PLD2: variants seen among roughly 807,000 people sequenced by gnomAD.
PLD2 encodes the protein choline phosphatase 2.
In PLD2, 101 loss-of-function variants were observed where a neutral mutation model predicts 119.8. That is an observed-to-expected ratio of 0.84 (90% confidence interval 0.72 to 0.99). PLD2 has a LOEUF of 0.99. PLD2 is among the 50% of genes least tolerant of loss of function. PLD2 has a pLI of 0.00. For synonymous variants in PLD2, 494 were observed against 482.8 expected (o/e 1.02, Z -0.30); for missense variants, 1,164 against 1,226.8 (o/e 0.95, Z 0.76).
At chr17:4,816,856 TGGCA>T in intron 15 of PLD2, 77 bp from the exon 16 acceptor site, 2 of 1,577,152 alleles carry the variant, frequency 1.3e-6, no homozygotes, top group Non-Finnish European at 1.7e-6. Flanking sequence ...GCCCTCCCTC[TGGCA>T]GGCTCTTTCT....
chr17:4,817,810 T>C (rs1017939235), intron 17 of PLD2, 192 bp from the exon 18 acceptor site: 7 of 473,906 alleles, frequency 1.5e-5, no homozygotes, highest in Non-Finnish European at 2.7e-5. Context: ...TACAAAAAAT[T>C]AGCCGGGAGT....
intron 18 of PLD2, 26 bp downstream of exon 18, chr17:4,818,132 A>G (rs1292323971): frequency 6.4e-7 from 1 of 1,551,606 alleles, no homozygotes; most frequent in Non-Finnish European, 8.9e-7. Flanking sequence ...GGTGGGGGAG[A>G]GCATGGAAGG....
chr17:4,813,331 G>A (rs1451202103), intron 10 of PLD2, among the ~76,000 whole-genome samples: 1 of 152,108 alleles, frequency 6.6e-6, no homozygotes, highest in African/African-American at 2.4e-5. Flanking sequence ...TTTCACATGT[G>A]CATGCACGTG....
At chr17:4,817,296 C>A in intron 17 of PLD2, 37 bp downstream of exon 17, 1 of 1,311,024 alleles carries the variant, frequency 7.6e-7, no homozygotes, top group Non-Finnish European at 1.1e-6. Context: ...TCCCCTTTGT[C>A]TCCTTCAGCC....
In PLD2 at chr17:4,822,800, A is replaced by T. The variant is rs1567538824; in HGVS notation, c.2738A>T (p.Asp913Val). The T allele has an allele frequency of 6.2e-7, 1 of 1,613,734 alleles. No homozygotes were observed. Among genetic ancestry groups the T allele is most frequent in the South Asian group, 1.1e-5 (1 of 91,074 alleles). The change falls in exon 25 of 25, where the codon GAT becomes GTT. Residue 913 changes from aspartate to valine, a missense_variant. Coordinates refer to ENST00000263088, the MANE Select transcript of PLD2 (RefSeq NM_002663.5). ...CACTTCCCCCTCAAGTTCCTAGAGG[A>T]TGAGTCTTTGCTGCCCCCGCTGGGT... is the stretch of plus-strand genomic sequence containing the variant. Reference protein sequence around the residue: ...LVHFPLKFLEDESLLPPLGSK... With the variant: ...LVHFPLKFLEVESLLPPLGSK...
At chr17:4,816,419 C>G (rs1342177573) in intron 14 of PLD2, among the ~76,000 whole-genome samples, 1 of 151,714 alleles carries the variant, frequency 6.6e-6, no homozygotes, top group South Asian at 2.1e-4. Context: ...CCACCCAGTC[C>G]TTTCCCCATT....
chr17:4,807,596 TG>T lies in PLD2; in HGVS notation c.-1-171del. On this transcript the variant is annotated intron_variant, in intron 1 of 24. Coordinates refer to ENST00000263088, the MANE Select transcript of PLD2 (RefSeq NM_002663.5). This position sits in a 1 kb window ranked among gnomAD's most constrained non-coding sequence, Gnocchi z 5.4. ...GTGGATGAAGGACTAAGGTAGGGGA[TG>T]GGGGCTCGAAGGGGTCGGTGGGGCG... The T allele has an allele frequency of 2.0e-6, 1 of 492,028 alleles. No individual in the cohort carries two copies. The highest frequency in any genetic ancestry group is 3.7e-6 in the Non-Finnish European group (1 of 270,510). 30.5% of individuals were successfully genotyped at this position (492,028 alleles called of 1,614,324 possible). A position where few individuals can be genotyped will look rare whatever the true frequency, so the allele number is the denominator to read the frequency against.
At position 4,807,571 on chromosome 17, in the gene PLD2, G is replaced by A; in HGVS notation, c.-1-201G>A. The A allele has an allele frequency of 2.2e-6, 1 of 463,908 alleles. No homozygotes were observed. Among genetic ancestry groups the A allele is most frequent in the Non-Finnish European group, 3.9e-6 (1 of 254,374 alleles). The allele number at this position is 463,908 out of a possible 1,614,324, so 28.7% of individuals were successfully genotyped here. ...GGGGGCGGGGGGCGGGACTGGGATTGTGGATGAAGGACTAAGGTAGGGGAT... is the reference window on the plus strand; with the variant it reads ...GGGGGCGGGGGGCGGGACTGGGATTATGGATGAAGGACTAAGGTAGGGGAT... On this transcript the variant is annotated intron_variant, in intron 1 of 24. Coordinates refer to ENST00000263088, the MANE Select transcript of PLD2 (RefSeq NM_002663.5). This position sits in a 1 kb window ranked among gnomAD's most constrained non-coding sequence, Gnocchi z 5.4.
rs1397763227 is a variant in PLD2 at position 4,818,809 on chromosome 17, G to A, written c.2159G>A (p.Arg720His). The A allele has an allele frequency of 6.2e-6, 10 of 1,614,082 alleles. No individual in the cohort carries two copies. The East Asian group carries it at 8.9e-5, about 14-fold the overall frequency. Reference sequence around the variant, plus strand: ...CGTGGGGAGTATTCAATCCTGCATCGCCTTAAAGCAGCCAGTGAGTGCTGG... The same window carrying A: ...CGTGGGGAGTATTCAATCCTGCATCACCTTAAAGCAGCCAGTGAGTGCTGG... ...LCRGEYSILH[R>H]LKAAMGTAWR... The change falls in exon 21 of 25, where the codon CGC becomes CAC. Residue 720 changes from arginine to histidine, a missense_variant. Coordinates refer to ENST00000263088, the MANE Select transcript of PLD2 (RefSeq NM_002663.5).
chr17:4,818,341 C>A lies in PLD2; in HGVS notation c.1965C>A (p.Asn655Lys). 2 of 1,614,174 alleles carry A rather than the reference C, an allele frequency of 1.2e-6. No homozygotes were observed. Among genetic ancestry groups the A allele is most frequent in the Non-Finnish European group, 1.7e-6 (2 of 1,180,030 alleles). The change falls in exon 19 of 25, where the codon AAC becomes AAA. Residue 655 changes from asparagine to lysine, a missense_variant. Coordinates refer to ENST00000263088, the MANE Select transcript of PLD2 (RefSeq NM_002663.5). ...GCTCAGATGGGCGGACGGTTCTGAA[C>A]AAGGTGGGCGATGAGATTGTGGACA... is the stretch of plus-strand genomic sequence containing the variant. Reference protein sequence around the residue: ...ISCSDGRTVLNKVGDEIVDRI... With the variant: ...ISCSDGRTVLKKVGDEIVDRI...
intron 9 of PLD2, 115 bp downstream of exon 9, chr17:4,810,144 A>C: frequency 9.4e-7 from 1 of 1,058,212 alleles, no homozygotes; most frequent in Non-Finnish European, 1.4e-6. Flanking sequence ...ACCTCCCTGG[A>C]TCGGGACATA....
At position 4,818,585 on chromosome 17, in the gene PLD2, G is replaced by A; in HGVS notation, c.2101G>A (p.Ala701Thr). ...CACGGGCGGTGGCAACTCCATCCAGGCCATTCTGCACTTTACTTACAGGTG... is the reference window on the plus strand; with the variant it reads ...CACGGGCGGTGGCAACTCCATCCAGACCATTCTGCACTTTACTTACAGGTG... ...ISTGGGNSIQ[A>T]ILHFTYRTLC... The change falls in exon 20 of 25, where the codon GCC becomes ACC. Residue 701 changes from alanine to threonine, a missense_variant. Physicochemically the swap from Ala to Thr is moderately conservative, Grantham distance 58. Transcript: ENST00000263088. 1 of 1,613,650 alleles carries A rather than the reference G, an allele frequency of 6.2e-7. No homozygotes were observed. The highest frequency in any genetic ancestry group is 1.1e-5 in the South Asian group (1 of 91,068).
At chr17:4,817,328 C>G (rs1907091345) in intron 17 of PLD2, 69 bp downstream of exon 17, 13 of 1,006,032 alleles carry the variant, frequency 1.3e-5, no homozygotes, top group Non-Finnish European at 1.9e-5. Flanking sequence ...CCCACTCTCC[C>G]TGGTGTGAGA....
chr17:4,821,286 A>G (rs1200219107), intron 23 of PLD2, among the ~76,000 whole-genome samples: 1 of 152,222 alleles, frequency 6.6e-6, no homozygotes, highest in Non-Finnish European at 1.5e-5. Flanking sequence ...TTTAAAATAA[A>G]AATAATTTTT....
intron 10 of PLD2, among the ~76,000 whole-genome samples, chr17:4,813,731 C>T (rs112642025): frequency 0.017 from 2,525 of 152,148 alleles, 78 homozygotes; most frequent in African/African-American, 0.058. Flanking sequence ...TGGTGGCGGG[C>T]GCCTGTAATT....
Position 4,810,003 on chromosome 17 carries a change from C to CGGCGT in PLD2, c.836_840dup (p.Arg281AlafsTer11). On this transcript the variant is annotated frameshift_variant, in exon 9 of 25. Transcript: ENST00000263088. LOFTEE classifies it high-confidence loss of function. ...GGAAAAGGAGCACGGAGGCACGGCA[C>CGGCGT]GGCGTGCGGATCGATACCTCCCACA... The CGGCGT allele has an allele frequency of 1.2e-6, 2 of 1,613,504 alleles. No individual in the cohort carries two copies. Among genetic ancestry groups the CGGCGT allele is most frequent in the Admixed American group, 3.3e-5 (2 of 60,016 alleles).
chr17:4,818,037 T>C lies in PLD2; in HGVS notation c.1851T>C (p.Thr617=), dbSNP rs768056425. 5.6e-6 allele frequency: 9 copies of C among 1,614,062 alleles called. No individual in the cohort carries two copies. Among genetic ancestry groups the C allele is most frequent in the Non-Finnish European group, 7.6e-6 (9 of 1,179,874 alleles). Residue 617 remains threonine, a synonymous_variant, in exon 18 of 25, where the codon ACT becomes ACC. Transcript: ENST00000263088. ...CAGTGGACCGCTGGTCAGCAGGGACTCTGGAGAACTCCATCCTCAATGCCT... is the reference window on the plus strand; with the variant it reads ...CAGTGGACCGCTGGTCAGCAGGGACCCTGGAGAACTCCATCCTCAATGCCT... The part of the protein sequence containing the change: ...LRSVDRWSAG[T]LENSILNAYL...
At chr17:4,815,708 C>G in intron 13 of PLD2, 56 bp from the exon 14 acceptor site, 1 of 1,604,444 alleles carries the variant, frequency 6.2e-7, no homozygotes, top group South Asian at 1.1e-5. Context: ...CCTCCCAGTA[C>G]CTCCTGTTTT....
chr17:4,818,130 A>C, intron 18 of PLD2, 24 bp downstream of exon 18: 1 of 1,547,214 alleles, frequency 6.5e-7, no homozygotes, highest in Non-Finnish European at 8.9e-7. Flanking sequence ...GAGGTGGGGG[A>C]GAGCATGGAA....
Sources: gnomAD v4.1 joint callset for allele counts (sites outside exome capture counted in the v4.1 genomes callset) on GRCh38, gnomAD v4.1.1 for gene constraint, Gnocchi (gnomAD v3.1) non-coding constraint, MANE v1.5 for transcripts, NCBI Gene and HGNC (gene_info 2026-07-23, HGNC 2026-07-21) for gene names.